Variants in HDAC8 observed in about 807,000 individuals in gnomAD.
HDAC8 encodes the protein histone deacetylase 8.
A neutral mutation model predicts 32.2 loss-of-function variants in HDAC8; 1 was observed. That is an observed-to-expected ratio of 0.03 (90% CI 0.01 to 0.15). HDAC8 has a LOEUF of 0.15. HDAC8 is among the 10% of genes least tolerant of loss of function. HDAC8 has a pLI of 1.00. For missense variants in HDAC8, 117 were observed against 300.0 expected (o/e 0.39, Z 4.51); for synonymous variants, 108 against 113.9 (o/e 0.95, Z 0.33).
intron 10 of HDAC8, 99 bp downstream of exon 10, chrX:72,351,634 G>C (rs1307685982): frequency 5.6e-6 from 3 of 540,278 alleles, no homozygotes; most frequent in Admixed American, 3.4e-5. Context: ...GAAATGATTA[G>C]CTTACCAAAA....
At position 72,542,628 on chromosome X, in the gene HDAC8, G is replaced by A. The variant is rs782530692; in HGVS notation, c.437+25261C>T. Among the ~76,000 whole-genome samples the A allele has an allele frequency of 8.0e-5, 9 of 111,920 alleles. 1 individual carries two copies. Among genetic ancestry groups the A allele is most frequent in the Middle Eastern group, 4.7e-3 (1 of 215 alleles). ...TTGCTGGGGCTAATTGCAGAGACAA[G>A]GTAGTCAAAGTACACCAAGGAGTAC... On this transcript the variant is annotated intron_variant, in intron 4 of 10. Coordinates refer to ENST00000373573, the MANE Select transcript of HDAC8 (RefSeq NM_018486.3).
intron 9 of HDAC8, among the ~76,000 whole-genome samples, chrX:72,431,280 C>T (rs782496038): frequency 6.2e-5 from 7 of 112,108 alleles, no homozygotes; most frequent in Non-Finnish European, 9.4e-5. Context: ...ACTGGACAGA[C>T]GAGTATCATG....
intron 9 of HDAC8, among the ~76,000 whole-genome samples, chrX:72,453,351 G>T (rs1382002481): frequency 1.8e-5 from 2 of 108,886 alleles, no homozygotes; most frequent in African/African-American, 6.7e-5. Flanking sequence ...TATTTACCTG[G>T]GAGGGTGAGG....
intron 10 of HDAC8, among the ~76,000 whole-genome samples, chrX:72,347,013 A>C (rs1004575395): frequency 1.2e-4 from 13 of 111,269 alleles, no homozygotes; most frequent in Admixed American, 5.7e-4. Flanking sequence ...AATAAAGGTC[A>C]AACAGCCTGA....
At position 72,402,735 on chromosome X, in the gene HDAC8, G is replaced by T. The variant is rs188414037; in HGVS notation, c.1006-50897C>A. 1.3e-4 allele frequency among the ~76,000 whole-genome samples: 14 copies of T among 111,036 alleles called. No individual in the cohort carries two copies. In the East Asian group the frequency reaches 3.7e-3, roughly 29 times the overall value. ...TATATGATTTTATTCCTGGCCTATG[G>T]TGCATTCTGGAGAATGTAATATTCT... On this transcript the variant is annotated intron_variant, in intron 9 of 10. Transcript: ENST00000373573.
intron 4 of HDAC8, among the ~76,000 whole-genome samples, chrX:72,513,284 G>C (rs1402496404): frequency 9.0e-6 from 1 of 111,307 alleles, no homozygotes. Context: ...TTGGTACCTA[G>C]CACAGTGCTT....
intron 9 of HDAC8, among the ~76,000 whole-genome samples, chrX:72,368,358 CT>C (rs11335533): frequency 0.38 from 29,585 of 78,677 alleles, 5,671 homozygotes; most frequent in East Asian, 0.8. Context: ...TTCCACAAGG[CT>C]TTTTTTTTTT....
chrX:72,372,386 G>C (rs1467202906), intron 9 of HDAC8, among the ~76,000 whole-genome samples: 1 of 107,208 alleles, frequency 9.3e-6, no homozygotes, highest in Non-Finnish European at 1.9e-5. Context: ...AGCTCTTTCA[G>C]GATAGAGAGT....
intron 7 of HDAC8, chrX:72,474,234 G>A (rs1383988116): frequency 1.3e-6 from 1 of 741,740 alleles, no homozygotes; most frequent in Non-Finnish European, 1.6e-6. Flanking sequence ...ATCTCTTATG[G>A]TTCTTACAAT....
chrX:72,373,053 TC>T (rs1555956956), intron 9 of HDAC8, among the ~76,000 whole-genome samples: 2 of 111,398 alleles, frequency 1.8e-5, no homozygotes, highest in African/African-American at 6.6e-5. Flanking sequence ...ACTATACATA[TC>T]CCCAACATAT....
intron 9 of HDAC8, among the ~76,000 whole-genome samples, chrX:72,362,850 G>T (rs1423458647): frequency 1.8e-5 from 2 of 111,900 alleles, no homozygotes; most frequent in African/African-American, 6.5e-5. Context: ...AGAAAGAGTG[G>T]CAGAGAGATC....
chrX:72,346,770 G>A (rs1387249587), intron 10 of HDAC8, among the ~76,000 whole-genome samples: 3 of 110,131 alleles, frequency 2.7e-5, no homozygotes, highest in Non-Finnish European at 5.7e-5. Context: ...ACTATGGTGG[G>A]GGAGGGGGCG....
At chrX:72,427,801 G>A (rs1415852864) in intron 9 of HDAC8, among the ~76,000 whole-genome samples, 1 of 110,547 alleles carries the variant, frequency 9.0e-6, no homozygotes, top group East Asian at 2.8e-4. Flanking sequence ...TCAAATGAAA[G>A]GTGATTAGAG....
At chrX:72,559,303 C>T (rs1256095440) in intron 4 of HDAC8, among the ~76,000 whole-genome samples, 2 of 108,801 alleles carry the variant, frequency 1.8e-5, no homozygotes, top group Admixed American at 9.8e-5. Flanking sequence ...AGCTCCTAAC[C>T]GCGAGTGATC....
chrX:72,510,814 T>C (rs2049557581), intron 4 of HDAC8, among the ~76,000 whole-genome samples: 1 of 111,998 alleles, frequency 8.9e-6, no homozygotes, highest in Non-Finnish European at 1.9e-5. Context: ...TCAGATTACT[T>C]AGGTACAATT....
chrX:72,540,708 T>C (rs1024427317), intron 4 of HDAC8, among the ~76,000 whole-genome samples: 5 of 112,263 alleles, frequency 4.5e-5, no homozygotes, highest in Admixed American at 9.5e-5. Flanking sequence ...ATATTACCAC[T>C]GATTCATTCA....
chrX:72,464,155 A>C (rs1260492698), intron 8 of HDAC8, among the ~76,000 whole-genome samples: 1 of 111,904 alleles, frequency 8.9e-6, no homozygotes, highest in Non-Finnish European at 1.9e-5. Context: ...TTTACTACTT[A>C]CATACAAGTA....
chrX:72,409,410 G>A (rs2046133700), intron 9 of HDAC8, among the ~76,000 whole-genome samples: 1 of 111,723 alleles, frequency 9.0e-6, no homozygotes, highest in South Asian at 3.8e-4. Flanking sequence ...CCCTCTTAAA[G>A]ATCTCTACAG....
chrX:72,441,682 G>A (rs2047152419), intron 9 of HDAC8, among the ~76,000 whole-genome samples: 2 of 112,576 alleles, frequency 1.8e-5, no homozygotes, highest in South Asian at 7.3e-4. Context: ...AAAGCTGGAT[G>A]GAGAATGACT....
Sources: gnomAD v4.1 joint callset for allele counts (sites outside exome capture counted in the v4.1 genomes callset) on GRCh38, gnomAD v4.1.1 for gene constraint, MANE v1.5 for transcripts, NCBI Gene and HGNC (gene_info 2026-07-23, HGNC 2026-07-21) for gene names.